The following APLF variants were observed in gnomAD, a reference collection of about 807,000 sequenced individuals.
APLF encodes the protein aprataxin and PNK-like factor.
A neutral mutation model predicts 55.6 loss-of-function variants in APLF; 61 were observed. That is an observed-to-expected ratio of 1.10 (90% confidence interval 0.89 to 1.36). APLF has a LOEUF of 1.36. Ranked by LOEUF, APLF falls within the 40% of genes most tolerant of loss-of-function variation. The pLI is 0.00. For missense variants in APLF, 611 were observed against 602.5 expected (o/e 1.01, Z -0.15); for synonymous variants, 207 against 214.8 (o/e 0.96, Z 0.32).
intron 7 of APLF, among the ~76,000 whole-genome samples, chr2:68,543,118 A>G: frequency 6.6e-6 from 1 of 152,134 alleles, no homozygotes; most frequent in East Asian, 1.9e-4. Context: ...ACAAATTAGA[A>G]TGGCAGTTAC....
At chr2:68,494,212 A>G (rs1676464125) in intron 2 of APLF, among the ~76,000 whole-genome samples, 1 of 144,244 alleles carries the variant, frequency 6.9e-6, no homozygotes, top group African/African-American at 2.6e-5. Context: ...AGGGGGACAG[A>G]GATAGCAGTA....
intron 2 of APLF, among the ~76,000 whole-genome samples, chr2:68,500,988 T>G (rs1302705324): frequency 2.6e-5 from 4 of 152,210 alleles, no homozygotes; most frequent in Non-Finnish European, 1.5e-5. Context: ...AACTTGAATT[T>G]AAAAATCAAA....
At chr2:68,514,088 T>C (rs966431394) in intron 5 of APLF, among the ~76,000 whole-genome samples, 2 of 151,828 alleles carry the variant, frequency 1.3e-5, no homozygotes, top group African/African-American at 4.8e-5. Flanking sequence ...CTGTTAAGTC[T>C]ATCTAGTGAA....
chr2:68,478,127 C>T (rs955684340), intron 1 of APLF, among the ~76,000 whole-genome samples: 1 of 150,842 alleles, frequency 6.6e-6, no homozygotes, highest in African/African-American at 2.4e-5. Context: ...ACTAGTGATA[C>T]TGGAAGTTCT....
intron 3 of APLF, among the ~76,000 whole-genome samples, chr2:68,511,710 C>T (rs543307184): frequency 6.6e-6 from 1 of 151,704 alleles, no homozygotes; most frequent in South Asian, 2.1e-4. Flanking sequence ...GTGAGTAAAA[C>T]AGGACTGGGT....
At chr2:68,493,850 T>A (rs1676450788) in intron 2 of APLF, among the ~76,000 whole-genome samples, 1 of 151,840 alleles carries the variant, frequency 6.6e-6, no homozygotes, top group Non-Finnish European at 1.5e-5. Flanking sequence ...GGCTCACGCC[T>A]GTAATCCCAG....
intron 5 of APLF, among the ~76,000 whole-genome samples, chr2:68,517,134 CAT>C (rs1244750493): frequency 1.4e-4 from 17 of 122,214 alleles, no homozygotes; most frequent in East Asian, 6.9e-4. Context: ...TGATCTATAA[CAT>C]ATTAATATAT....
At chr2:68,516,587 TC>T (rs1669584777) in intron 5 of APLF, among the ~76,000 whole-genome samples, 1 of 150,796 alleles carries the variant, frequency 6.6e-6, no homozygotes, top group Non-Finnish European at 1.5e-5. Flanking sequence ...TATCCCTCAC[TC>T]CCCGACCCTT....
intron 3 of APLF, among the ~76,000 whole-genome samples, chr2:68,504,880 T>C (rs1278257977): frequency 6.6e-6 from 1 of 152,070 alleles, no homozygotes; most frequent in African/African-American, 2.4e-5. Flanking sequence ...TAATCAATGG[T>C]TGTTTCCAAG....
At chr2:68,478,284 G>A (rs1675841621) in intron 1 of APLF, among the ~76,000 whole-genome samples, 9 of 152,270 alleles carry the variant, frequency 5.9e-5, no homozygotes, top group Admixed American at 3.3e-4. Flanking sequence ...GCATATGGAC[G>A]ATTGTAAAAA....
At chr2:68,503,331 A>G (rs1252849056) in intron 3 of APLF, among the ~76,000 whole-genome samples, 1 of 152,168 alleles carries the variant, frequency 6.6e-6, no homozygotes, top group Admixed American at 6.6e-5. Context: ...AGCAGAAAAT[A>G]TAGAACAGAG....
chr2:68,494,305 AAAG>A (rs1270248917), intron 2 of APLF, among the ~76,000 whole-genome samples: 7 of 150,948 alleles, frequency 4.6e-5, no homozygotes, highest in Admixed American at 2.6e-4. Context: ...AAAAAAAAGA[AAAG>A]AAAAAAGATT....
At position 68,467,677 on chromosome 2, in the gene APLF, G is replaced by C; in HGVS notation, c.-55G>C. The stretch of plus-strand genomic sequence containing the variant: ...CTTGCCCCGCGCGTGTCTGTGGAGG[G>C]CGGAAACAGCGGAGGGGCCAGTCTC... On this transcript the variant is annotated 5_prime_UTR_variant, in exon 1 of 10. Transcript: ENST00000303795. 8.2e-7 allele frequency: 1 copy of C among 1,213,670 alleles called. No individual in the cohort carries two copies. The highest frequency in any genetic ancestry group is 1.0e-6 in the Non-Finnish European group (1 of 969,120). 75.2% of individuals were successfully genotyped at this position (1,213,670 alleles called of 1,614,324 possible). A position where few individuals can be genotyped will look rare whatever the true frequency, so the allele number is the denominator to read the frequency against.
chr2:68,508,383 A>G (rs1178627139), intron 3 of APLF, among the ~76,000 whole-genome samples: 1 of 151,868 alleles, frequency 6.6e-6, no homozygotes, highest in Non-Finnish European at 1.5e-5. Flanking sequence ...TTTTCAACAA[A>G]TGATGCTGGG....
intron 5 of APLF, among the ~76,000 whole-genome samples, chr2:68,516,808 G>C (rs1022871877): frequency 1.0e-4 from 15 of 143,178 alleles, no homozygotes; most frequent in Admixed American, 6.7e-4. Context: ...TGGTGTATTT[G>C]TATATATATA....
intron 6 of APLF, among the ~76,000 whole-genome samples, chr2:68,536,566 A>G (rs1207161676): frequency 6.6e-6 from 1 of 152,152 alleles, no homozygotes; most frequent in Admixed American, 6.6e-5. Context: ...CACGGGAAGT[A>G]TAAGTAATTA....
chr2:68,485,807 CTCTT>C (rs1435201152), intron 1 of APLF, among the ~76,000 whole-genome samples: 2 of 143,156 alleles, frequency 1.4e-5, no homozygotes, highest in African/African-American at 5.5e-5. Context: ...TTTTTATTAT[CTCTT>C]TTTTTTTTTT....
intron 1 of APLF, among the ~76,000 whole-genome samples, chr2:68,472,771 C>G (rs1675659833): frequency 6.6e-6 from 1 of 152,094 alleles, no homozygotes; most frequent in Non-Finnish European, 1.5e-5. Context: ...TAGGTGTTGA[C>G]CAGGCTTGTG....
At chr2:68,488,113 C>G (rs1376316790) in intron 1 of APLF, among the ~76,000 whole-genome samples, 1 of 152,018 alleles carries the variant, frequency 6.6e-6, no homozygotes. Flanking sequence ...TTAAGATGGA[C>G]TGTTAAAGGA....
Sources: allele counts gnomAD v4.1 joint callset (sites outside exome capture counted in the v4.1 genomes callset), GRCh38; gene constraint gnomAD v4.1.1; transcripts MANE v1.5; gene names NCBI Gene and HGNC (gene_info 2026-07-23, HGNC 2026-07-21).